The following NEURL1 variants were observed in gnomAD, a reference collection of about 807,000 sequenced individuals.
NEURL1 encodes the protein E3 ubiquitin-protein ligase NEURL1.
In NEURL1, 26 loss-of-function variants were observed where a neutral mutation model predicts 41.2. The ratio of observed to expected loss-of-function variants is 0.63; its 90% CI spans 0.46 to 0.87. NEURL1 has a LOEUF of 0.87. NEURL1 is among the 40% of genes least tolerant of loss of function. The pLI is 0.00. For missense variants in NEURL1, 761 were observed against 871.1 expected (o/e 0.87, Z 1.59); for synonymous variants, 400 against 402.3 (o/e 0.99, Z 0.07).
At chr10:103,582,375 C>T (rs747410759) in intron 3 of NEURL1, among the ~76,000 whole-genome samples, 67 of 152,190 alleles carry the variant, frequency 4.4e-4, no homozygotes, top group Non-Finnish European at 7.2e-4. Flanking sequence ...GCCTCTGCCT[C>T]TCTGCAGCCC....
At chr10:103,584,422 G>A in intron 3 of NEURL1, 114 bp from the exon 4 acceptor site, 1 of 548,848 alleles carries the variant, frequency 1.8e-6, no homozygotes, top group Non-Finnish European at 2.8e-6. Flanking sequence ...AGCATCGTGT[G>A]CGCCATTAGC....
intron 1 of NEURL1, among the ~76,000 whole-genome samples, chr10:103,561,995 A>G (rs1450046950): frequency 6.6e-6 from 1 of 152,230 alleles, no homozygotes; most frequent in Non-Finnish European, 1.5e-5. Context: ...CCAATTCATC[A>G]GTAGATAGAA....
intron 1 of NEURL1, among the ~76,000 whole-genome samples, chr10:103,553,465 G>T (rs1014274106): frequency 2.0e-5 from 3 of 152,186 alleles, no homozygotes; most frequent in African/African-American, 7.2e-5. Flanking sequence ...AAAGTGGGCT[G>T]CCTTGTGCGG....
chr10:103,514,573 G>A (rs1426068891), intron 1 of NEURL1, among the ~76,000 whole-genome samples: 2 of 152,110 alleles, frequency 1.3e-5, no homozygotes, highest in Non-Finnish European at 2.9e-5. Context: ...AGTTTGTCTG[G>A]GGAAGTCCTC....
At chr10:103,574,517 C>A (rs949587625) in intron 3 of NEURL1, among the ~76,000 whole-genome samples, 5 of 152,220 alleles carry the variant, frequency 3.3e-5, no homozygotes, top group African/African-American at 1.2e-4. Flanking sequence ...CCATTACCCT[C>A]CAGCTGGTTT....
intron 4 of NEURL1, among the ~76,000 whole-genome samples, chr10:103,588,046 T>G (rs570921418): frequency 4.3e-4 from 65 of 151,820 alleles, no homozygotes; most frequent in Non-Finnish European, 7.2e-4. Flanking sequence ...GGCTCACACC[T>G]GTAATCTCAG....
chr10:103,551,862 T>C (rs1442069597), intron 1 of NEURL1, among the ~76,000 whole-genome samples: 1 of 152,186 alleles, frequency 6.6e-6, no homozygotes, highest in Non-Finnish European at 1.5e-5. Flanking sequence ...TCGGGCCACC[T>C]CCCAGTTCTC....
At chr10:103,568,622 C>A (rs1351211762) in intron 1 of NEURL1, among the ~76,000 whole-genome samples, 1 of 151,942 alleles carries the variant, frequency 6.6e-6, no homozygotes, top group Non-Finnish European at 1.5e-5. Flanking sequence ...ACATAGTGTA[C>A]CCCCATGAAA....
intron 1 of NEURL1, among the ~76,000 whole-genome samples, chr10:103,546,945 T>C (rs1467989520): frequency 6.6e-6 from 1 of 152,214 alleles, no homozygotes; most frequent in Non-Finnish European, 1.5e-5. Context: ...CACCTCTGTG[T>C]CCTGGTTTCC....
rs376279575 is a variant in NEURL1, at chr10:103,513,472, G to T, written c.85+19000G>T. Among the ~76,000 whole-genome samples, 5 of 152,362 alleles carry T rather than the reference G, an allele frequency of 3.3e-5. No individual in the cohort carries two copies. In the East Asian group the frequency reaches 9.6e-4, roughly 29 times the overall value. On this transcript the variant is annotated intron_variant, in intron 1 of 5. Coordinates refer to ENST00000369780, the MANE Select transcript of NEURL1 (RefSeq NM_004210.5). ...AGTGGCCTCTCCAAGGCTCACTGAG[G>T]TGCCTGTGCCACAGAGGCTAGCCCT...
intron 1 of NEURL1, among the ~76,000 whole-genome samples, chr10:103,518,607 G>A (rs972662912): frequency 6.6e-6 from 1 of 152,224 alleles, no homozygotes; most frequent in African/African-American, 2.4e-5. Flanking sequence ...GAGTTGGGGG[G>A]TCTGGGGAAC....
chr10:103,584,340 C>T (rs1041860795), intron 3 of NEURL1, among the ~76,000 whole-genome samples, 196 bp from the exon 4 acceptor site: 3 of 152,248 alleles, frequency 2.0e-5, no homozygotes, highest in Non-Finnish European at 4.4e-5. Context: ...TGCTTCCCCC[C>T]ACCTATTCCT....
chr10:103,509,743 C>T (rs2034028655), intron 1 of NEURL1, among the ~76,000 whole-genome samples: 1 of 152,142 alleles, frequency 6.6e-6, no homozygotes, highest in Non-Finnish European at 1.5e-5. Flanking sequence ...GGTTTTCTGT[C>T]TGGTGCTAAG....
intron 1 of NEURL1, among the ~76,000 whole-genome samples, chr10:103,536,636 C>T (rs1005155400): frequency 2.0e-5 from 3 of 152,190 alleles, no homozygotes; most frequent in Non-Finnish European, 2.9e-5. Context: ...GGAGCACTAG[C>T]GGGTTCCAGT....
chr10:103,514,356 A>G (rs1415702892), intron 1 of NEURL1, among the ~76,000 whole-genome samples: 9 of 151,636 alleles, frequency 5.9e-5, no homozygotes, highest in Admixed American at 4.6e-4. Context: ...TTCCAAAGGG[A>G]GTGTTTCTTA....
At chr10:103,563,579 G>T (rs2133873868) in intron 1 of NEURL1, among the ~76,000 whole-genome samples, 1 of 152,350 alleles carries the variant, frequency 6.6e-6, no homozygotes, top group East Asian at 1.9e-4. Context: ...GGCCTTGAAA[G>T]ATGGGTGGGG....
chr10:103,585,321 C>T, intron 4 of NEURL1, 96 bp downstream of exon 4: 1 of 1,128,518 alleles, frequency 8.9e-7, no homozygotes. Context: ...CCTCCAGGCT[C>T]ATGATGGTGT....
At chr10:103,517,051 G>A (rs2034230701) in intron 1 of NEURL1, among the ~76,000 whole-genome samples, 2 of 130,366 alleles carry the variant, frequency 1.5e-5, no homozygotes, top group African/African-American at 2.9e-5. Flanking sequence ...TTTTGAGACA[G>A]GGTCCTACTC....
chr10:103,527,607 T>C (rs2034487756), intron 1 of NEURL1, among the ~76,000 whole-genome samples: 1 of 152,092 alleles, frequency 6.6e-6, no homozygotes, highest in Non-Finnish European at 1.5e-5. Flanking sequence ...TTGTATCTCG[T>C]TTCATCAGCA....
Sources: allele counts gnomAD v4.1 joint callset (sites outside exome capture counted in the v4.1 genomes callset), GRCh38; gene constraint gnomAD v4.1.1; transcripts MANE v1.5; gene names NCBI Gene and HGNC (gene_info 2026-07-23, HGNC 2026-07-21).